Variants in SLC24A3 observed in about 807,000 individuals in gnomAD.
SLC24A3 encodes solute carrier family 24 member 3.
A neutral mutation model predicts 75.8 loss-of-function variants in SLC24A3; 28 were observed. The observed-to-expected ratio is 0.37, with a 90% CI of 0.27 to 0.51. The LOEUF is 0.51. SLC24A3 is among the 20% of genes least tolerant of loss of function. SLC24A3 has a pLI of 0.94. For synonymous variants in SLC24A3, 372 were observed against 334.1 expected, an observed-to-expected ratio of 1.11 and a Z score of -1.24; for missense variants, 663 against 847.8, an observed-to-expected ratio of 0.78 and a Z score of 2.71.
At chr20:19,272,937 A>G (rs978775042) in intron 1 of SLC24A3, among the ~76,000 whole-genome samples, 1 of 152,122 alleles carries the variant, frequency 6.6e-6, no homozygotes, top group Admixed American at 6.5e-5. Flanking sequence ...TTGTGAAGGA[A>G]GTCCTGGAGG....
chr20:19,318,995 G>A (rs565497433), intron 2 of SLC24A3, among the ~76,000 whole-genome samples: 1 of 152,176 alleles, frequency 6.6e-6, no homozygotes, highest in South Asian at 2.1e-4. Flanking sequence ...GAAAGTTCGA[G>A]AAGGATCCTG....
chr20:19,501,483 C>T (rs572692399), intron 2 of SLC24A3, among the ~76,000 whole-genome samples: 11 of 152,128 alleles, frequency 7.2e-5, no homozygotes, highest in Non-Finnish European at 1.2e-4. Flanking sequence ...TTCAATTTGG[C>T]GACTTCACAT....
intron 15 of SLC24A3, among the ~76,000 whole-genome samples, chr20:19,700,495 G>C (rs2032857989): frequency 6.6e-6 from 1 of 152,202 alleles, no homozygotes; most frequent in Non-Finnish European, 1.5e-5. Context: ...GAAGGATCCA[G>C]GTAATTAGGT....
chr20:19,499,997 G>C (rs558546886), intron 2 of SLC24A3, among the ~76,000 whole-genome samples: 2 of 152,266 alleles, frequency 1.3e-5, no homozygotes, highest in South Asian at 4.1e-4. Flanking sequence ...AATACTCCCT[G>C]TTATCCTCCG....
chr20:19,597,093 C>T (rs1032803893), intron 6 of SLC24A3, among the ~76,000 whole-genome samples: 1 of 152,184 alleles, frequency 6.6e-6, no homozygotes, highest in Non-Finnish European at 1.5e-5. Flanking sequence ...TTAATAAATA[C>T]AATTTTTTGC....
Position 19,502,413 on chromosome 20 carries a change from TG to T in SLC24A3, c.272-13071del, listed in dbSNP as rs1419243758. On this transcript the variant is annotated intron_variant, in intron 2 of 16. Coordinates refer to ENST00000328041, the MANE Select transcript of SLC24A3 (RefSeq NM_020689.4). ...GGATATGTCAGCTGCTGCCTGGCAC[TG>T]GGGAGACAAACTGAGAAGTGCAAGC... Among the ~76,000 whole-genome samples the T allele has an allele frequency of 4.6e-5, 7 of 152,280 alleles. No individual in the cohort carries two copies. In the East Asian group the frequency reaches 1.4e-3, roughly 29 times the overall value.
chr20:19,451,768 T>C (rs1987484949), intron 2 of SLC24A3, among the ~76,000 whole-genome samples: 1 of 152,212 alleles, frequency 6.6e-6, no homozygotes, highest in South Asian at 2.1e-4. Context: ...TCCTCTTGCC[T>C]CTTCTCTGCA....
rs190938628 is a variant in SLC24A3, at chr20:19,620,493, C to T, written c.613-33569C>T. ...CTGAAAGAGGAAGAAATGACCTTGCCAGACCCTCAGCAGTTTGACATTAAA... is the reference window on the plus strand; with the variant it reads ...CTGAAAGAGGAAGAAATGACCTTGCTAGACCCTCAGCAGTTTGACATTAAA... On this transcript the variant is annotated intron_variant, in intron 6 of 16. Coordinates refer to ENST00000328041, the MANE Select transcript of SLC24A3 (RefSeq NM_020689.4). Among the ~76,000 whole-genome samples, 85 of 152,284 alleles carry T rather than the reference C, an allele frequency of 5.6e-4. No individual in the cohort carries two copies. In the Middle Eastern group the frequency reaches 0.01, roughly 18 times the overall value.
chr20:19,646,652 G>A (rs962123251), intron 6 of SLC24A3, among the ~76,000 whole-genome samples: 5 of 152,160 alleles, frequency 3.3e-5, no homozygotes, highest in East Asian at 1.9e-4. Flanking sequence ...GTGGGCACAC[G>A]TGGTAGCCAG....
chr20:19,529,443 A>T (rs534308055), intron 3 of SLC24A3, among the ~76,000 whole-genome samples: 2 of 152,124 alleles, frequency 1.3e-5, no homozygotes, highest in African/African-American at 4.8e-5. Flanking sequence ...AGCCCCACCC[A>T]TCAGCAAGGT....
At chr20:19,263,284 G>T (rs1367909205) in intron 1 of SLC24A3, among the ~76,000 whole-genome samples, 1 of 152,126 alleles carries the variant, frequency 6.6e-6, no homozygotes, top group Non-Finnish European at 1.5e-5. Flanking sequence ...AGAAAGCCAC[G>T]CAAAGAGCAA....
chr20:19,301,341 C>G (rs1015721496), intron 2 of SLC24A3, among the ~76,000 whole-genome samples: 4 of 152,188 alleles, frequency 2.6e-5, no homozygotes, highest in Admixed American at 2.0e-4. Context: ...ACCTATCCAG[C>G]TGTTTCAGCT....
intron 2 of SLC24A3, among the ~76,000 whole-genome samples, chr20:19,297,662 A>G (rs1984093460): frequency 6.6e-6 from 1 of 152,234 alleles, no homozygotes; most frequent in Admixed American, 6.5e-5. Context: ...CATATACACC[A>G]TGACAGACTT....
chr20:19,677,257 T>C (rs2122733037), intron 9 of SLC24A3, among the ~76,000 whole-genome samples: 1 of 147,392 alleles, frequency 6.8e-6, no homozygotes, highest in African/African-American at 2.5e-5. Context: ...GCCAGGAGTT[T>C]GAGACTAACC....
intron 1 of SLC24A3, among the ~76,000 whole-genome samples, chr20:19,217,345 C>A (rs1427314769): frequency 6.6e-6 from 1 of 152,152 alleles, no homozygotes; most frequent in Non-Finnish European, 1.5e-5. Flanking sequence ...ACCCAAGGAT[C>A]TGAAGGGATC....
At chr20:19,413,432 A>G (rs1283613079) in intron 2 of SLC24A3, among the ~76,000 whole-genome samples, 1 of 152,124 alleles carries the variant, frequency 6.6e-6, no homozygotes, top group Non-Finnish European at 1.5e-5. Context: ...GAGTTAGAAA[A>G]ATTTTCTAAC....
chr20:19,358,410 G>T lies in SLC24A3; in HGVS notation c.271+77323G>T, dbSNP rs1374832480. On this transcript the variant is annotated intron_variant, in intron 2 of 16. Transcript: ENST00000328041. ...TCTCATTTTGGGAAAAAGGAGACTAGAGCCTCTAGCAGAGGAAATGACCCC... is the reference window on the plus strand; with the variant it reads ...TCTCATTTTGGGAAAAAGGAGACTATAGCCTCTAGCAGAGGAAATGACCCC... Among the ~76,000 whole-genome samples, 3 of 152,134 alleles carry T rather than the reference G, an allele frequency of 2.0e-5. No individual in the cohort carries two copies. The East Asian group carries it at 5.8e-4, about 29-fold the overall frequency.
At chr20:19,332,811 T>C (rs926760584) in intron 2 of SLC24A3, among the ~76,000 whole-genome samples, 16 of 152,152 alleles carry the variant, frequency 1.1e-4, no homozygotes, top group Non-Finnish European at 2.2e-4. Flanking sequence ...GGCTGTGGCT[T>C]TTCTTGCCTG....
At chr20:19,435,946 G>C (rs1346118335) in intron 2 of SLC24A3, among the ~76,000 whole-genome samples, 1 of 152,156 alleles carries the variant, frequency 6.6e-6, no homozygotes, top group East Asian at 1.9e-4. Flanking sequence ...TTAATCACCT[G>C]AAATTCTCTG....
Sources: gnomAD v4.1 joint callset for allele counts (sites outside exome capture counted in the v4.1 genomes callset) on GRCh38, gnomAD v4.1.1 for gene constraint, MANE v1.5 for transcripts, NCBI Gene and HGNC (gene_info 2026-07-23, HGNC 2026-07-21) for gene names.